Variants in SGCZ observed in about 807,000 individuals in gnomAD.
SGCZ encodes zeta-sarcoglycan.
In SGCZ, 40 loss-of-function variants were observed where a neutral mutation model predicts 41.3. The ratio of observed to expected loss-of-function variants is 0.97; its 90% CI spans 0.75 to 1.26. The LOEUF is 1.26. Ranked by LOEUF, SGCZ falls within the 50% of genes most tolerant of loss-of-function variation. SGCZ has a pLI of 0.00. For synonymous variants in SGCZ, 206 were observed against 137.5 expected (o/e 1.50, Z -3.49); for missense variants, 552 against 369.8 (o/e 1.49, Z -4.04).
chr8:14,380,488 A>T (rs1344261560), intron 2 of SGCZ, among the ~76,000 whole-genome samples: 2 of 152,216 alleles, frequency 1.3e-5, no homozygotes, highest in Non-Finnish European at 2.9e-5. Context: ...AATGTATTTT[A>T]AACACTTTAT....
At chr8:14,350,666 G>C (rs930469372) in intron 2 of SGCZ, among the ~76,000 whole-genome samples, 3 of 152,154 alleles carry the variant, frequency 2.0e-5, no homozygotes, top group African/African-American at 7.2e-5. Flanking sequence ...TGGAAGAGCT[G>C]AGGTCTTTGT....
chr8:14,802,856 G>C (rs535731699), intron 1 of SGCZ, among the ~76,000 whole-genome samples: 1 of 152,232 alleles, frequency 6.6e-6, no homozygotes, highest in South Asian at 2.1e-4. Flanking sequence ...AAAGCATCCT[G>C]TTACAGGCAC....
intron 2 of SGCZ, among the ~76,000 whole-genome samples, chr8:14,430,409 G>A (rs972744651): frequency 7.2e-5 from 11 of 152,050 alleles, no homozygotes; most frequent in Non-Finnish European, 1.2e-4. Context: ...GTCAATAAAT[G>A]TAATACACCA....
chr8:14,990,936 A>T (rs1197324833), intron 1 of SGCZ, among the ~76,000 whole-genome samples: 1 of 152,134 alleles, frequency 6.6e-6, no homozygotes, highest in Non-Finnish European at 1.5e-5. Context: ...TATGATTTAG[A>T]GTTACCCAGG....
chr8:14,370,964 G>T (rs776149016), intron 2 of SGCZ, among the ~76,000 whole-genome samples: 23 of 151,880 alleles, frequency 1.5e-4, no homozygotes, highest in African/African-American at 4.4e-4. Flanking sequence ...CTGCAGTCAC[G>T]AATATATCAT....
At chr8:15,233,594 T>C (rs1397034605) in intron 1 of SGCZ, among the ~76,000 whole-genome samples, 1 of 152,052 alleles carries the variant, frequency 6.6e-6, no homozygotes, top group African/African-American at 2.4e-5. Context: ...TCTTGGTAGA[T>C]GAAATGTTGA....
intron 1 of SGCZ, among the ~76,000 whole-genome samples, chr8:15,172,154 G>GTT (rs1183210302): frequency 0.027 from 1,920 of 71,506 alleles, 67 homozygotes; most frequent in East Asian, 0.053. Context: ...TTTATACTCT[G>GTT]TTTTTTTTTT....
chr8:14,816,120 G>A (rs1183814803), intron 1 of SGCZ, among the ~76,000 whole-genome samples: 1 of 152,136 alleles, frequency 6.6e-6, no homozygotes, highest in Non-Finnish European at 1.5e-5. Context: ...TAAAAATATT[G>A]ACATGTTTAC....
At chr8:14,209,469 T>G (rs1805726244) in intron 4 of SGCZ, among the ~76,000 whole-genome samples, 1 of 152,180 alleles carries the variant, frequency 6.6e-6, no homozygotes, top group Admixed American at 6.5e-5. Context: ...GCTTCGCTTA[T>G]GATAATTACA....
chr8:15,111,376 C>T (rs532336380), intron 1 of SGCZ, among the ~76,000 whole-genome samples: 3 of 152,282 alleles, frequency 2.0e-5, no homozygotes, highest in African/African-American at 7.2e-5. Context: ...ATGGGCCAAG[C>T]GTGGACCATC....
chr8:14,715,954 C>G (rs1187739682), intron 1 of SGCZ, among the ~76,000 whole-genome samples: 2 of 152,032 alleles, frequency 1.3e-5, no homozygotes, highest in African/African-American at 4.8e-5. Flanking sequence ...ATAATCCACT[C>G]ACTAGAAAGA....
intron 1 of SGCZ, among the ~76,000 whole-genome samples, chr8:14,796,548 T>C (rs17120286): frequency 0.082 from 12,555 of 152,210 alleles, 1,621 homozygotes; most frequent in African/African-American, 0.28. Context: ...TATGTAAATA[T>C]TGTGTGTCTT....
At chr8:14,588,849 T>C (rs1805149375) in intron 1 of SGCZ, among the ~76,000 whole-genome samples, 1 of 152,178 alleles carries the variant, frequency 6.6e-6, no homozygotes, top group African/African-American at 2.4e-5. Flanking sequence ...TGGGATTTGG[T>C]ACACTCATCC....
At chr8:15,104,680 T>C (rs1391258278) in intron 1 of SGCZ, among the ~76,000 whole-genome samples, 1 of 96,336 alleles carries the variant, frequency 1.0e-5, no homozygotes, top group African/African-American at 4.1e-5. Context: ...GTGTAAAACT[T>C]GTTTTTTTCA....
At chr8:14,250,272 T>A (rs949692308) in intron 3 of SGCZ, among the ~76,000 whole-genome samples, 2 of 152,198 alleles carry the variant, frequency 1.3e-5, no homozygotes, top group South Asian at 2.1e-4. Flanking sequence ...TGCAAAAAAA[T>A]TTTTGAACTA....
intron 7 of SGCZ, among the ~76,000 whole-genome samples, chr8:14,093,283 C>T (rs942511516): frequency 2.6e-4 from 40 of 152,126 alleles, no homozygotes; most frequent in Admixed American, 2.2e-3. Context: ...TTTTTGTCCT[C>T]CTGTCATTGA....
chr8:14,876,247 A>G (rs1197572514), intron 1 of SGCZ, among the ~76,000 whole-genome samples: 2 of 152,166 alleles, frequency 1.3e-5, no homozygotes, highest in African/African-American at 4.8e-5. Context: ...ACACATTTCT[A>G]AATAACCCAT....
chr8:14,098,731 A>T (rs902253608), intron 7 of SGCZ, among the ~76,000 whole-genome samples: 4 of 152,268 alleles, frequency 2.6e-5, no homozygotes. Context: ...GGATATGAAA[A>T]TCTAATGGAG....
chr8:15,128,159 C>T (rs183680054), intron 1 of SGCZ, among the ~76,000 whole-genome samples: 9 of 152,156 alleles, frequency 5.9e-5, no homozygotes, highest in Admixed American at 3.3e-4. Context: ...ACCACATTGG[C>T]GATCCAGAGT....
Sources: gnomAD v4.1 joint callset for allele counts (sites outside exome capture counted in the v4.1 genomes callset) on GRCh38, gnomAD v4.1.1 for gene constraint, MANE v1.5 for transcripts, NCBI Gene and HGNC (gene_info 2026-07-23, HGNC 2026-07-21) for gene names.